Variants in OPCML observed in about 807,000 individuals in gnomAD.
OPCML encodes opioid binding protein/cell adhesion molecule like.
In OPCML, 13 loss-of-function variants were observed where a neutral mutation model predicts 37.8. The ratio of observed to expected loss-of-function variants is 0.34; its 90% CI spans 0.22 to 0.55. The LOEUF is 0.55. Among genes scored for constraint, OPCML ranks in the 20% least tolerant of loss-of-function variants. The pLI, the probability that OPCML is intolerant of heterozygous loss-of-function variation, is 0.91. For missense variants in OPCML, 341 were observed against 435.6 expected, an observed-to-expected ratio of 0.78 and a Z score of 1.93; for synonymous variants, 176 against 168.8, an observed-to-expected ratio of 1.04 and a Z score of -0.33.
chr11:133,386,474 C>T (rs916748735), intron 1 of OPCML, among the ~76,000 whole-genome samples: 4 of 152,278 alleles, frequency 2.6e-5, no homozygotes, highest in South Asian at 2.1e-4. Flanking sequence ...CTCCCAACAA[C>T]GGCACTTCCT....
rs139741786 is a variant in OPCML, at chr11:133,203,753, A to G, written c.62-260743T>C. On this transcript the variant is annotated intron_variant, in intron 1 of 7. Transcript: ENST00000524381. ...TTATATAATTTCTATTCATTGCAGA[A>G]TAATTTAAACAGATGCAAAGGACGG... Among the ~76,000 whole-genome samples the G allele has an allele frequency of 8.5e-5, 13 of 152,306 alleles. No homozygotes were observed. The East Asian group carries it at 2.3e-3, about 27-fold the overall frequency.
intron 3 of OPCML, among the ~76,000 whole-genome samples, chr11:132,649,145 T>G (rs1490734523): frequency 6.6e-6 from 1 of 152,154 alleles, no homozygotes; most frequent in African/African-American, 2.4e-5. Flanking sequence ...CGTGAGTATG[T>G]CTGTGAGTGT....
chr11:132,657,435 C>A, intron 2 of OPCML, 116 bp from the exon 3 acceptor site: 1 of 1,460,942 alleles, frequency 6.8e-7, no homozygotes, highest in Non-Finnish European at 9.0e-7. Flanking sequence ...AACAACAAAA[C>A]ACAGTGCTAA....
chr11:133,349,460 G>A (rs1030812739), intron 1 of OPCML, among the ~76,000 whole-genome samples: 1 of 152,140 alleles, frequency 6.6e-6, no homozygotes, highest in Non-Finnish European at 1.5e-5. Flanking sequence ...ATGGTATTGA[G>A]AAGTTTAGGT....
intron 1 of OPCML, among the ~76,000 whole-genome samples, chr11:132,978,130 T>C (rs561536528): frequency 2.6e-5 from 4 of 152,284 alleles, no homozygotes; most frequent in Admixed American, 6.5e-5. Flanking sequence ...TGTCTGATAG[T>C]GGCAGACAGG....
At chr11:133,014,458 A>C (rs1186112549) in intron 1 of OPCML, among the ~76,000 whole-genome samples, 1 of 152,102 alleles carries the variant, frequency 6.6e-6, no homozygotes, top group Non-Finnish European at 1.5e-5. Flanking sequence ...TCTCAAGATG[A>C]TGTTTCCACT....
At chr11:132,769,215 T>A (rs934645430) in intron 2 of OPCML, among the ~76,000 whole-genome samples, 2 of 151,700 alleles carry the variant, frequency 1.3e-5, no homozygotes, top group Admixed American at 6.6e-5. Flanking sequence ...AGTTTTTTTG[T>A]ATTTTTTTGT....
intron 1 of OPCML, among the ~76,000 whole-genome samples, chr11:133,157,411 A>G (rs1237429175): frequency 6.6e-6 from 1 of 152,192 alleles, no homozygotes; most frequent in Non-Finnish European, 1.5e-5. Context: ...ACACAACGTC[A>G]GCTGTCAATT....
chr11:133,056,836 C>T (rs550252708), intron 1 of OPCML, among the ~76,000 whole-genome samples: 14 of 152,236 alleles, frequency 9.2e-5, no homozygotes, highest in Admixed American at 2.0e-4. Flanking sequence ...AGGTGGCTTA[C>T]TTATTTATTT....
At chr11:133,199,152 A>T (rs1438450335) in intron 1 of OPCML, among the ~76,000 whole-genome samples, 1 of 152,104 alleles carries the variant, frequency 6.6e-6, no homozygotes, top group Non-Finnish European at 1.5e-5. Flanking sequence ...CTAGGTCTTG[A>T]GGGGTAGAAA....
intron 2 of OPCML, among the ~76,000 whole-genome samples, chr11:132,858,690 A>G (rs1230311839): frequency 6.6e-6 from 1 of 152,198 alleles, no homozygotes; most frequent in Non-Finnish European, 1.5e-5. Flanking sequence ...CTCATCCACA[A>G]CATGGGTGAT....
rs559779504 is a variant in OPCML, at chr11:132,943,280, C to T, written c.62-270G>A. On this transcript the variant is annotated intron_variant, in intron 1 of 7. Transcript: ENST00000524381. The surrounding 1 kb of genome is among the most constrained non-coding windows in gnomAD (Gnocchi z 4.3). ...GAGAATTCTTCCTCAGATCCTGCCTCAGCTTTCCAGCCTAGCAGAACCAGA... is the reference window on the plus strand; with the variant it reads ...GAGAATTCTTCCTCAGATCCTGCCTTAGCTTTCCAGCCTAGCAGAACCAGA... 7 of 826,592 alleles carry T rather than the reference C, an allele frequency of 8.5e-6. No homozygotes were observed. The East Asian group carries it at 1.9e-4, about 22-fold the overall frequency. The allele number at this position is 826,592 out of a possible 1,614,324, so 51.2% of individuals were successfully genotyped here.
At chr11:132,618,840 T>C (rs2137899101) in intron 3 of OPCML, among the ~76,000 whole-genome samples, 1 of 152,146 alleles carries the variant, frequency 6.6e-6, no homozygotes, top group South Asian at 2.1e-4. Flanking sequence ...TTTCCATTCA[T>C]TCCTCCCCCA....
intron 7 of OPCML, chr11:132,435,301 T>C (rs2096009319): frequency 8.8e-6 from 11 of 1,252,332 alleles, no homozygotes; most frequent in Non-Finnish European, 1.1e-5. Context: ...TGAAAGCTTG[T>C]GTCTGAGGTG....
chr11:132,763,170 T>A (rs1489350603), intron 2 of OPCML, among the ~76,000 whole-genome samples: 2 of 152,154 alleles, frequency 1.3e-5, no homozygotes, highest in African/African-American at 4.8e-5. Flanking sequence ...CCCAATGAGA[T>A]GAACTGGGTA....
At chr11:132,515,480 T>A (rs953665287) in intron 4 of OPCML, among the ~76,000 whole-genome samples, 2 of 152,136 alleles carry the variant, frequency 1.3e-5, no homozygotes, top group African/African-American at 4.8e-5. Flanking sequence ...TCCTTGTTAT[T>A]GTGTGAGTCA....
intron 2 of OPCML, among the ~76,000 whole-genome samples, chr11:132,662,012 A>C (rs553654619): frequency 3.3e-5 from 5 of 152,370 alleles, no homozygotes; most frequent in African/African-American, 1.2e-4. Context: ...GAAATGCCTG[A>C]CAGACATCAG....
At chr11:133,043,099 G>C (rs1490853110) in intron 1 of OPCML, among the ~76,000 whole-genome samples, 1 of 152,124 alleles carries the variant, frequency 6.6e-6, no homozygotes, top group African/African-American at 2.4e-5. Context: ...GGGCAGCCAG[G>C]TCGGCTCAAG....
intron 1 of OPCML, among the ~76,000 whole-genome samples, chr11:133,379,473 C>A (rs1347919767): frequency 6.6e-6 from 1 of 152,206 alleles, no homozygotes; most frequent in Non-Finnish European, 1.5e-5. Context: ...GTGTCCCAAA[C>A]TTTTGTAGCT....
Sources: gnomAD v4.1 joint callset for allele counts (sites outside exome capture counted in the v4.1 genomes callset) on GRCh38, gnomAD v4.1.1 for gene constraint, Gnocchi (gnomAD v3.1) non-coding constraint, MANE v1.5 for transcripts, NCBI Gene and HGNC (gene_info 2026-07-23, HGNC 2026-07-21) for gene names.